The following ABL2 variants were observed in gnomAD, a reference collection of about 807,000 sequenced individuals.
ABL2 encodes ABL proto-oncogene 2, non-receptor tyrosine kinase, also known as tyrosine-protein kinase ABL2.
ABL2 carries 49 observed loss-of-function variants against 107.7 expected under a neutral mutation model. The ratio of observed to expected loss-of-function variants is 0.45; its 90% CI spans 0.36 to 0.58. The LOEUF is 0.58. ABL2 is among the 20% of genes least tolerant of loss of function. ABL2 has a pLI of 0.00. For synonymous variants in ABL2, 549 were observed against 548.6 expected, an observed-to-expected ratio of 1.00 and a Z score of -0.01; for missense variants, 1,245 against 1,457.0, an observed-to-expected ratio of 0.85 and a Z score of 2.37.
At chr1:179,183,150 G>C (rs752132613) in intron 1 of ABL2, among the ~76,000 whole-genome samples, 3 of 152,032 alleles carry the variant, frequency 2.0e-5, no homozygotes, top group Non-Finnish European at 2.9e-5. Context: ...ATAGAGAACT[G>C]CATGTTCTCA....
At chr1:179,135,014 AGTC>A (rs1342605564) in intron 1 of ABL2, among the ~76,000 whole-genome samples, 1 of 152,222 alleles carries the variant, frequency 6.6e-6, no homozygotes, top group Non-Finnish European at 1.5e-5. Context: ...TTGCAGACGG[AGTC>A]TCGTTCACTC....
chr1:179,174,920 A>AAAATAATAAT (rs1659958398), intron 1 of ABL2, among the ~76,000 whole-genome samples: 1 of 122,872 alleles, frequency 8.1e-6, no homozygotes, highest in Non-Finnish European at 1.7e-5. Flanking sequence ...AAAATAAAAA[A>AAAATAATAAT]AATAATAATA....
intron 1 of ABL2, among the ~76,000 whole-genome samples, chr1:179,224,146 A>AAAC (rs1471599527): frequency 6.7e-6 from 1 of 150,254 alleles, no homozygotes; most frequent in Non-Finnish European, 1.5e-5. Flanking sequence ...AAAAAAAAAA[A>AAAC]AAAAAAAAAA....
chr1:179,149,747 T>C (rs1449334559), intron 1 of ABL2, among the ~76,000 whole-genome samples: 1 of 152,228 alleles, frequency 6.6e-6, no homozygotes, highest in East Asian at 1.9e-4. Context: ...CATGGTTTAG[T>C]GAATATTTTA....
chr1:179,228,099 T>TCA (rs886826165), intron 1 of ABL2, among the ~76,000 whole-genome samples: 11 of 144,454 alleles, frequency 7.6e-5, no homozygotes, highest in African/African-American at 2.6e-4. Context: ...CGGTGGTGGC[T>TCA]CACACCCGTA....
At chr1:179,174,166 T>C (rs552664211) in intron 1 of ABL2, among the ~76,000 whole-genome samples, 2 of 152,196 alleles carry the variant, frequency 1.3e-5, no homozygotes, top group East Asian at 3.9e-4. Context: ...TGTGTGCATG[T>C]AGTCCCAGCT....
chr1:179,164,421 T>G (rs573781381), intron 1 of ABL2, among the ~76,000 whole-genome samples: 1 of 152,298 alleles, frequency 6.6e-6, no homozygotes, highest in Non-Finnish European at 1.5e-5. Context: ...AAAGTTTAGG[T>G]GAAAGTAAGG....
intron 1 of ABL2, among the ~76,000 whole-genome samples, chr1:179,212,868 G>A (rs1438959968): frequency 6.6e-6 from 1 of 151,588 alleles, no homozygotes; most frequent in East Asian, 1.9e-4. Context: ...CCAACATGGA[G>A]AAACCCTGTC....
chr1:179,155,767 C>T (rs1394488426), intron 1 of ABL2, among the ~76,000 whole-genome samples: 2 of 151,782 alleles, frequency 1.3e-5, no homozygotes, highest in African/African-American at 4.8e-5. Flanking sequence ...ACAGCTCATG[C>T]CAGAACTTAG....
At chr1:179,133,525 C>T in intron 1 of ABL2, 151 bp from the exon 2 acceptor site, 1 of 1,272,910 alleles carries the variant, frequency 7.9e-7, no homozygotes, top group Non-Finnish European at 1.1e-6. Flanking sequence ...TACTCCATAC[C>T]TCAAATTGTA....
intron 10 of ABL2, among the ~76,000 whole-genome samples, chr1:179,112,046 A>G (rs559293178): frequency 6.7e-6 from 1 of 149,694 alleles, no homozygotes; most frequent in South Asian, 2.1e-4. Context: ...CTCCATCTCA[A>G]AAAAAAAAAA....
chr1:179,200,238 G>A (rs1229002214), intron 1 of ABL2, among the ~76,000 whole-genome samples: 1 of 151,192 alleles, frequency 6.6e-6, no homozygotes, highest in Non-Finnish European at 1.5e-5. Flanking sequence ...GTAGAGATGG[G>A]GTTTTGCCAT....
intron 1 of ABL2, among the ~76,000 whole-genome samples, chr1:179,188,741 C>A (rs544657864): frequency 2.0e-5 from 3 of 152,132 alleles, no homozygotes; most frequent in Non-Finnish European, 4.4e-5. Context: ...CAAGAAACTA[C>A]CTGGTAGGTG....
intron 8 of ABL2, 106 bp downstream of exon 8, chr1:179,117,226 G>A (rs2102611067): frequency 8.8e-6 from 10 of 1,131,022 alleles, no homozygotes; most frequent in Non-Finnish European, 1.2e-5. Flanking sequence ...AAGAATGGCA[G>A]GTAAAGGTAG....
chr1:179,165,526 G>C (rs1293884506), intron 1 of ABL2, among the ~76,000 whole-genome samples: 3 of 152,212 alleles, frequency 2.0e-5, no homozygotes, highest in South Asian at 2.1e-4. Context: ...TATTAAAGTA[G>C]AGGAGGTAAG....
At chr1:179,188,768 T>C (rs1660831155) in intron 1 of ABL2, among the ~76,000 whole-genome samples, 1 of 152,170 alleles carries the variant, frequency 6.6e-6, no homozygotes, top group African/African-American at 2.4e-5. Context: ...AACTGTTGAG[T>C]AGATGAAAAT....
At chr1:179,138,267 TTTAA>T (rs1657227168) in intron 1 of ABL2, among the ~76,000 whole-genome samples, 1 of 152,188 alleles carries the variant, frequency 6.6e-6, no homozygotes, top group Admixed American at 6.5e-5. Context: ...TCAGATATTG[TTTAA>T]TTATTATTAT....
chr1:179,132,786 C>T (rs973076918), intron 2 of ABL2, among the ~76,000 whole-genome samples: 1 of 151,956 alleles, frequency 6.6e-6, no homozygotes, highest in South Asian at 2.1e-4. Context: ...AGGTGATCCA[C>T]CCGCCTCAGC....
intron 1 of ABL2, among the ~76,000 whole-genome samples, chr1:179,226,131 T>C (rs1663191549): frequency 6.6e-6 from 1 of 150,652 alleles, no homozygotes; most frequent in African/African-American, 2.4e-5. Context: ...CAGTACTCAC[T>C]GCACCTTTGT....
Sources: gnomAD v4.1 joint callset for allele counts (sites outside exome capture counted in the v4.1 genomes callset) on GRCh38, gnomAD v4.1.1 for gene constraint, MANE v1.5 for transcripts, NCBI Gene and HGNC (gene_info 2026-07-23, HGNC 2026-07-21) for gene names.